Variants in AGBL2 observed in about 807,000 individuals in gnomAD.
AGBL2 encodes AGBL carboxypeptidase 2.
AGBL2 carries 87 observed loss-of-function variants against 103.0 expected under a neutral mutation model. That is an observed-to-expected ratio of 0.84 (90% CI 0.71 to 1.01). The LOEUF is 1.01. AGBL2 is among the 50% of genes least tolerant of loss of function. The pLI, the probability that AGBL2 is intolerant of heterozygous loss-of-function variation, is 0.00. For missense variants in AGBL2, 904 were observed against 1,023.5 expected (o/e 0.88, Z 1.59); for synonymous variants, 335 against 356.7 (o/e 0.94, Z 0.69).
At chr11:47,682,780 A>C (rs564159926) in intron 11 of AGBL2, among the ~76,000 whole-genome samples, 2 of 152,150 alleles carry the variant, frequency 1.3e-5, no homozygotes, top group Non-Finnish European at 2.9e-5. Flanking sequence ...AAGATTTTGC[A>C]GTTGGAAAGT....
intron 7 of AGBL2, among the ~76,000 whole-genome samples, chr11:47,702,073 C>T (rs1265563136): frequency 6.6e-6 from 1 of 152,084 alleles, no homozygotes; most frequent in African/African-American, 2.4e-5. Context: ...ATGGCTTGTG[C>T]CCAGGAGTTC....
chr11:47,662,347 T>C (rs2097330267), intron 18 of AGBL2, among the ~76,000 whole-genome samples: 1 of 150,372 alleles, frequency 6.7e-6, no homozygotes, highest in South Asian at 2.1e-4. Flanking sequence ...CTAATTTTTA[T>C]ATTTTTAGTT....
At chr11:47,709,776 A>G (rs2097531840) in intron 4 of AGBL2, among the ~76,000 whole-genome samples, 1 of 151,990 alleles carries the variant, frequency 6.6e-6, no homozygotes. Context: ...TTCTGTAGAG[A>G]CAGAGTTTTG....
Position 47,686,158 on chromosome 11 carries a change from A to G in AGBL2, c.1632-109T>C, listed in dbSNP as rs565878838. 168 of 1,168,876 alleles carry G rather than the reference A, an allele frequency of 1.4e-4. 2 individuals are homozygous for G. Among genetic ancestry groups the G allele is most frequent in the South Asian group, 1.3e-3 (87 of 68,396 alleles). The allele number at this position is 1,168,876 out of a possible 1,614,324, so 72.4% of individuals were successfully genotyped here. ...TACAGCTGTTAATACTTTCCCTCCT[A>G]AGAAAATCTCAACTCCATTGGCCTT... is the stretch of plus-strand genomic sequence containing the variant. On this transcript the variant is annotated intron_variant, in intron 10 of 18. Transcript: ENST00000525123.
intron 13 of AGBL2, among the ~76,000 whole-genome samples, chr11:47,678,320 A>ATTATTTTT: frequency 8.4e-6 from 1 of 119,696 alleles, no homozygotes; most frequent in Admixed American, 8.9e-5. Context: ...ATTTTATTTT[A>ATTATTTTT]TTTTATTTTA....
At chr11:47,693,113 T>A in intron 8 of AGBL2, among the ~76,000 whole-genome samples, 1 of 152,020 alleles carries the variant, frequency 6.6e-6, no homozygotes, top group East Asian at 1.9e-4. Context: ...AGCCATTGCA[T>A]CCTGCAGATA....
chr11:47,714,965 G>C (rs985502331), intron 1 of AGBL2: 1 of 363,350 alleles, frequency 2.8e-6, no homozygotes, highest in South Asian at 3.0e-5. Context: ...CCCTTTCCCT[G>C]AGAAAGGAGA....
chr11:47,670,967 CT>C (rs1367785484), intron 14 of AGBL2, among the ~76,000 whole-genome samples: 1 of 151,574 alleles, frequency 6.6e-6, no homozygotes, highest in Non-Finnish European at 1.5e-5. Context: ...TGACTCTAGC[CT>C]GGGCGACAGA....
Position 47,687,807 on chromosome 11 carries a change from CT to C in AGBL2, c.1632-1759del, listed in dbSNP as rs369461728. ...TCTTTCTTTTTTCTTTTCTTTCTTT[CT>C]TTTTTTTTTTTTTTGTTAAGACACA... On this transcript the variant is annotated intron_variant, in intron 10 of 18. Coordinates refer to ENST00000525123, the MANE Select transcript of AGBL2 (RefSeq NM_024783.4). 6.2e-3 allele frequency among the ~76,000 whole-genome samples: 853 copies of C among 138,500 alleles called. 3 individuals are homozygous for C. Among genetic ancestry groups the C allele is most frequent in the African/African-American group, 0.017 (631 of 37,832 alleles). 90.9% of individuals were successfully genotyped at this position (138,500 alleles called of 152,430 possible).
chr11:47,689,302 A>ATTTTTTT (rs397741033), intron 10 of AGBL2, among the ~76,000 whole-genome samples: 1 of 126,218 alleles, frequency 7.9e-6, no homozygotes. Flanking sequence ...CCACTTCTCA[A>ATTTTTTT]TTTTTTTTTT....
chr11:47,685,212 A>T (rs1026122370), intron 11 of AGBL2, among the ~76,000 whole-genome samples: 7 of 152,298 alleles, frequency 4.6e-5, no homozygotes, highest in Middle Eastern at 3.4e-3. Context: ...GTCTCAAAAA[A>T]AAAAATAAAA....
At chr11:47,687,163 A>T (rs1249754336) in intron 10 of AGBL2, among the ~76,000 whole-genome samples, 1 of 151,296 alleles carries the variant, frequency 6.6e-6, no homozygotes, top group African/African-American at 2.4e-5. Context: ...ATAATAAAAA[A>T]AAATAAAGTT....
At chr11:47,708,715 G>A (rs1224235333) in intron 4 of AGBL2, among the ~76,000 whole-genome samples, 2 of 151,892 alleles carry the variant, frequency 1.3e-5, no homozygotes, top group African/African-American at 4.8e-5. Context: ...TCGGGAGGCT[G>A]AGGCAGGAGA....
chr11:47,678,835 A>T (rs551401833), intron 13 of AGBL2, among the ~76,000 whole-genome samples: 194 of 150,522 alleles, frequency 1.3e-3, no homozygotes, highest in African/African-American at 4.7e-3. Context: ...AGGCGGGCAG[A>T]TTACCTGAGG....
At chr11:47,674,882 G>A (rs2097369356) in intron 14 of AGBL2, among the ~76,000 whole-genome samples, 1 of 151,904 alleles carries the variant, frequency 6.6e-6, no homozygotes, top group Non-Finnish European at 1.5e-5. Context: ...TTACAGGCAT[G>A]TGCCATCACA....
At chr11:47,688,771 T>A (rs1281712598) in intron 10 of AGBL2, among the ~76,000 whole-genome samples, 1 of 152,134 alleles carries the variant, frequency 6.6e-6, no homozygotes, top group Non-Finnish European at 1.5e-5. Context: ...CTGAAACATA[T>A]GCTCTTTAGC....
At chr11:47,696,696 T>C (rs1446285353) in intron 8 of AGBL2, among the ~76,000 whole-genome samples, 3 of 152,218 alleles carry the variant, frequency 2.0e-5, no homozygotes, top group African/African-American at 7.2e-5. Flanking sequence ...CTAAATTGTC[T>C]AATTTGTTGT....
rs137990379 is a variant in AGBL2, at chr11:47,688,892, T to A, written c.1631+1184A>T. Among the ~76,000 whole-genome samples, 712 of 151,864 alleles carry A rather than the reference T, an allele frequency of 4.7e-3. 10 individuals are homozygous for A. The highest frequency in any genetic ancestry group is 0.016 in the African/African-American group (681 of 41,442). Reference sequence around the variant, plus strand: ...CTGGGATTACAGGCACCCACCATCATGCCCGGCTAATTTTTCTATTTTTAG... The same window carrying A: ...CTGGGATTACAGGCACCCACCATCAAGCCCGGCTAATTTTTCTATTTTTAG... On this transcript the variant is annotated intron_variant, in intron 10 of 18. Coordinates refer to ENST00000525123, the MANE Select transcript of AGBL2 (RefSeq NM_024783.4).
intron 15 of AGBL2, among the ~76,000 whole-genome samples, chr11:47,668,068 G>A (rs1168874002): frequency 6.6e-6 from 1 of 152,054 alleles, no homozygotes; most frequent in Non-Finnish European, 1.5e-5. Flanking sequence ...AATTAGCCGG[G>A]TGAGGTGGCA....
Sources: allele counts gnomAD v4.1 joint callset (sites outside exome capture counted in the v4.1 genomes callset), GRCh38; gene constraint gnomAD v4.1.1; transcripts MANE v1.5; gene names NCBI Gene and HGNC (gene_info 2026-07-23, HGNC 2026-07-21).